NKAIN2: variants seen among roughly 807,000 people sequenced by gnomAD.
NKAIN2 encodes sodium/potassium transporting ATPase interacting 2, also known as sodium/potassium-transporting ATPase subunit beta-1-interacting protein 2.
A neutral mutation model predicts 32.6 loss-of-function variants in NKAIN2; 14 were observed. The ratio of observed to expected loss-of-function variants is 0.43; its 90% CI spans 0.28 to 0.67. The LOEUF (loss-of-function observed/expected upper bound fraction) is 0.67. Among genes scored for constraint, NKAIN2 ranks in the 30% least tolerant of loss-of-function variants. The pLI, the probability that NKAIN2 is intolerant of heterozygous loss-of-function variation, is 0.17. For synonymous variants in NKAIN2, 80 were observed against 87.2 expected (o/e 0.92, Z 0.46); for missense variants, 198 against 258.3 (o/e 0.77, Z 1.60).
At chr6:124,735,706 G>A (rs534712767) in intron 4 of NKAIN2, among the ~76,000 whole-genome samples, 4 of 151,674 alleles carry the variant, frequency 2.6e-5, no homozygotes, top group Admixed American at 6.6e-5. Context: ...CGTTGTTATC[G>A]TATCTGTTAT....
At chr6:124,148,394 A>G (rs545651596) in intron 1 of NKAIN2, among the ~76,000 whole-genome samples, 8 of 152,176 alleles carry the variant, frequency 5.3e-5, no homozygotes, top group South Asian at 4.2e-4. Context: ...CTCCATTAAC[A>G]TTCCTTCCTT....
intron 3 of NKAIN2, among the ~76,000 whole-genome samples, chr6:124,575,701 T>C (rs1781305320): frequency 6.6e-6 from 1 of 152,198 alleles, no homozygotes; most frequent in Non-Finnish European, 1.5e-5. Flanking sequence ...GAAGGTTTTT[T>C]CCTTGGCTAT....
intron 4 of NKAIN2, among the ~76,000 whole-genome samples, chr6:124,701,179 C>CACACACACACACT (rs1774772937): frequency 5.9e-5 from 8 of 136,510 alleles, no homozygotes; most frequent in African/African-American, 2.3e-4. Flanking sequence ...ACACACACAC[C>CACACACACACACT]GGATGACATA....
intron 1 of NKAIN2, among the ~76,000 whole-genome samples, chr6:123,987,719 C>T (rs943126913): frequency 2.0e-5 from 3 of 152,114 alleles, no homozygotes; most frequent in African/African-American, 7.2e-5. Context: ...CATGTGGCTC[C>T]TCCATCTTCA....
intron 1 of NKAIN2, among the ~76,000 whole-genome samples, chr6:124,104,954 G>A (rs886732100): frequency 6.6e-6 from 1 of 152,130 alleles, no homozygotes; most frequent in Admixed American, 6.5e-5. Flanking sequence ...GACATCTCTG[G>A]CAGTGGAAAA....
chr6:124,778,474 T>C (rs571701012), intron 4 of NKAIN2, among the ~76,000 whole-genome samples: 9 of 152,150 alleles, frequency 5.9e-5, no homozygotes, highest in African/African-American at 2.2e-4. Flanking sequence ...GAGTCATCAA[T>C]GTTGTATTCT....
At chr6:124,759,084 T>C (rs1778097004) in intron 4 of NKAIN2, among the ~76,000 whole-genome samples, 1 of 152,174 alleles carries the variant, frequency 6.6e-6, no homozygotes. Flanking sequence ...ATCATGTTGA[T>C]TTTATTGGGC....
chr6:124,615,903 C>T (rs529106399), intron 3 of NKAIN2, among the ~76,000 whole-genome samples: 7 of 152,088 alleles, frequency 4.6e-5, no homozygotes, highest in East Asian at 1.9e-4. Context: ...TTGGATATTA[C>T]GGTTGTAGTT....
chr6:124,798,275 G>A (rs1466977373), intron 5 of NKAIN2, among the ~76,000 whole-genome samples: 1 of 152,114 alleles, frequency 6.6e-6, no homozygotes, highest in Non-Finnish European at 1.5e-5. Flanking sequence ...TTGACAGGGA[G>A]AATTGTGAGA....
intron 1 of NKAIN2, among the ~76,000 whole-genome samples, chr6:124,143,077 T>C (rs1787220760): frequency 1.3e-5 from 2 of 152,220 alleles, no homozygotes; most frequent in African/African-American, 2.4e-5. Flanking sequence ...CTTTTATCTT[T>C]AAAATCTTCA....
intron 3 of NKAIN2, among the ~76,000 whole-genome samples, chr6:124,429,972 T>C (rs1236970926): frequency 6.6e-6 from 1 of 151,654 alleles, no homozygotes; most frequent in Non-Finnish European, 1.5e-5. Context: ...TAAATTTAGG[T>C]AGATGAAATG....
chr6:124,429,010 G>T (rs1331717813), intron 3 of NKAIN2, among the ~76,000 whole-genome samples: 2 of 152,022 alleles, frequency 1.3e-5, no homozygotes, highest in African/African-American at 4.8e-5. Flanking sequence ...ATATCCATTT[G>T]TTCTCATGCA....
chr6:124,074,654 A>G (rs896212588), intron 1 of NKAIN2, among the ~76,000 whole-genome samples: 7 of 152,264 alleles, frequency 4.6e-5, no homozygotes, highest in South Asian at 2.1e-4. Flanking sequence ...ACCTTAATGC[A>G]CTTGCTTTGC....
chr6:124,526,234 A>G (rs1299309184), intron 3 of NKAIN2, among the ~76,000 whole-genome samples: 1 of 152,130 alleles, frequency 6.6e-6, no homozygotes, highest in African/African-American at 2.4e-5. Context: ...TACAGAAGGC[A>G]AGTGCATTTA....
At chr6:124,539,861 C>T (rs1466721507) in intron 3 of NKAIN2, among the ~76,000 whole-genome samples, 1 of 152,108 alleles carries the variant, frequency 6.6e-6, no homozygotes, top group Non-Finnish European at 1.5e-5. Flanking sequence ...GCTGGGACTA[C>T]AAGTGTATGC....
intron 1 of NKAIN2, among the ~76,000 whole-genome samples, chr6:124,278,458 T>C (rs1465584845): frequency 6.6e-6 from 1 of 151,818 alleles, no homozygotes; most frequent in Non-Finnish European, 1.5e-5. Flanking sequence ...ATAGCACTTA[T>C]CACAAAGGTT....
chr6:124,319,607 C>T (rs1797090482), intron 2 of NKAIN2, among the ~76,000 whole-genome samples: 1 of 152,078 alleles, frequency 6.6e-6, no homozygotes, highest in Non-Finnish European at 1.5e-5. Context: ...TTTTGAATCT[C>T]AGGTACTTTT....
rs567858197 is a variant in NKAIN2 at position 124,415,650 on chromosome 6, T to C, written c.273+60303T>C. Among the ~76,000 whole-genome samples the C allele has an allele frequency of 7.9e-5, 12 of 152,278 alleles. No homozygotes were observed. In the South Asian group the frequency reaches 2.3e-3, roughly 29 times the overall value. ...GGTGAGACTGAAAGTCTCAATCCTC[T>C]ATTCCTTCCTTGGTCTTTCTGGTAA... On this transcript the variant is annotated intron_variant, in intron 3 of 6. Transcript: ENST00000368417.
At chr6:124,419,312 ACT>A (rs1323099069) in intron 3 of NKAIN2, among the ~76,000 whole-genome samples, 2 of 152,074 alleles carry the variant, frequency 1.3e-5, no homozygotes, top group Non-Finnish European at 2.9e-5. Flanking sequence ...AGAAACAGTG[ACT>A]CTGAAGTCTC....
Sources: allele counts gnomAD v4.1 joint callset (sites outside exome capture counted in the v4.1 genomes callset), GRCh38; gene constraint gnomAD v4.1.1; transcripts MANE v1.5; gene names NCBI Gene and HGNC (gene_info 2026-07-23, HGNC 2026-07-21).